BRWD1: variants seen among roughly 807,000 people sequenced by gnomAD.
BRWD1 encodes the protein bromodomain and WD repeat domain containing 1.
Under a neutral mutation model 251.2 loss-of-function variants are expected in BRWD1, and 82 were observed. The observed-to-expected ratio is 0.33, with a 90% CI of 0.27 to 0.39. The LOEUF is 0.39. BRWD1 is among the 10% of genes least tolerant of loss of function. The pLI, the probability that BRWD1 is intolerant of heterozygous loss-of-function variation, is 1.00. For synonymous variants in BRWD1, 918 were observed against 902.8 expected (o/e 1.02, Z -0.30); for missense variants, 2,233 against 2,711.6 (o/e 0.82, Z 3.92).
rs1187060119 is a variant in BRWD1 at position 39,190,139 on chromosome 21, G to A, written c.*6120C>T. 2.6e-5 allele frequency: 26 copies of A among 984,794 alleles called. No homozygotes were observed. The highest frequency in any genetic ancestry group is 3.1e-5 in the Non-Finnish European group (26 of 829,536). The allele number at this position is 984,794 out of a possible 1,614,324, so 61.0% of individuals were successfully genotyped here. The stretch of plus-strand genomic sequence containing the variant: ...TGTGTATTCTAAGATGGTATATGTG[G>A]TGAATAGAAACCTGGATACAAACAT... On this transcript the variant is annotated 3_prime_UTR_variant, in exon 41 of 41. Transcript: ENST00000342449.
At chr21:39,246,486 C>A (rs929752108) in intron 21 of BRWD1, among the ~76,000 whole-genome samples, 1 of 152,144 alleles carries the variant, frequency 6.6e-6, no homozygotes, top group Non-Finnish European at 1.5e-5. Context: ...ACTTGCCATA[C>A]GACCCAGCAT....
upstream of BRWD1, chr21:39,314,093 C>A (rs1555881043): frequency 2.2e-6 from 1 of 456,058 alleles, no homozygotes; most frequent in Middle Eastern, 3.3e-4. Flanking sequence ...ATTTCACGGA[C>A]CGGTCGTCTG....
intron 15 of BRWD1, among the ~76,000 whole-genome samples, chr21:39,269,680 T>G (rs2035039940): frequency 6.6e-6 from 1 of 152,180 alleles, no homozygotes; most frequent in South Asian, 2.1e-4. Flanking sequence ...GCTCAACAGG[T>G]AACTTAAAAA....
Position 39,199,170 on chromosome 21 carries a change from T to G in BRWD1, c.5246A>C (p.Lys1749Thr), listed in dbSNP as rs897163026. 6.2e-7 allele frequency: 1 copy of G among 1,613,938 alleles called. No homozygotes were observed. Among genetic ancestry groups the G allele is most frequent in the Non-Finnish European group, 8.5e-7 (1 of 1,180,022 alleles). Residue 1749 changes from lysine (K) to threonine (T), a missense_variant, in exon 40 of 41, where the codon AAA becomes ACA. Physicochemically the swap from Lys to Thr is moderately conservative, Grantham distance 78. Transcript: ENST00000342449. ...CTCAGAAGACTCTATTTTAAGAAAT[T>G]TTGTCTTTGAAGGTGCTGGAGTATG... ...KSHTPAPSKTKFLKIESSEED... is the reference protein window; with the variant it reads ...KSHTPAPSKTTFLKIESSEED...
chr21:39,301,580 A>G (rs1445423968), intron 4 of BRWD1, among the ~76,000 whole-genome samples: 1 of 152,156 alleles, frequency 6.6e-6, no homozygotes, highest in Non-Finnish European at 1.5e-5. Flanking sequence ...CAGTTCTGCC[A>G]ATATTTTGAC....
At chr21:39,261,784 A>G (rs980589536) in intron 17 of BRWD1, among the ~76,000 whole-genome samples, 4 of 152,146 alleles carry the variant, frequency 2.6e-5, no homozygotes, top group South Asian at 2.1e-4. Context: ...AAAAAAAAAG[A>G]AAAAGGAAAA....
intron 8 of BRWD1, 37 bp from the exon 9 acceptor site, chr21:39,280,285 C>T (rs1264596774): frequency 2.0e-6 from 3 of 1,488,548 alleles, no homozygotes; most frequent in African/African-American, 2.8e-5. Flanking sequence ...GTTTCCAGAA[C>T]TTCTACTTAA....
chr21:39,315,245 C>T (rs2036676647), upstream of BRWD1, among the ~76,000 whole-genome samples: 1 of 151,538 alleles, frequency 6.6e-6, no homozygotes, highest in Admixed American at 6.6e-5. Flanking sequence ...CTCAGGTGAT[C>T]CACCCGCCTT....
In BRWD1 at chr21:39,196,352, C is replaced by A. The variant is rs749445173; in HGVS notation, c.6717G>T (p.Thr2239=). ...KRVLRRSKIK[T]RNQGRRTVRY... is the part of the protein sequence containing the mutation. Reference sequence around the variant, plus strand: ...TCACAGTCCTTCTACCCTGATTTCTCGTTTTTATTTTTGAACGTCGAAGAA... The same window carrying A: ...TCACAGTCCTTCTACCCTGATTTCTAGTTTTTATTTTTGAACGTCGAAGAA... The change falls in exon 41 of 41, where the codon ACG becomes ACT. Residue 2239 remains threonine, a synonymous_variant. Transcript: ENST00000342449. The A allele has an allele frequency of 1.2e-6, 2 of 1,613,570 alleles. No individual in the cohort carries two copies. The highest frequency in any genetic ancestry group is 1.3e-5 in the African/African-American group (1 of 74,978).
chr21:39,244,820 G>A lies in BRWD1; in HGVS notation c.2481+2881C>T, dbSNP rs1050637949. ...AGGATACTACACCTTCCTCCCAAAG[G>A]CAAAGTCTATATATAACCCTTTATT... On this transcript the variant is annotated intron_variant, in intron 21 of 40. Transcript: ENST00000342449. Among the ~76,000 whole-genome samples, 10 of 150,694 alleles carry A rather than the reference G, an allele frequency of 6.6e-5. No homozygotes were observed. The Admixed American group carries it at 6.7e-4, about 10-fold the overall frequency.
chr21:39,301,046 G>T (rs937418359), intron 4 of BRWD1, among the ~76,000 whole-genome samples: 2 of 152,092 alleles, frequency 1.3e-5, no homozygotes, highest in Non-Finnish European at 2.9e-5. Context: ...AGGCGTGGTG[G>T]CAGGTGCCTG....
intron 4 of BRWD1, among the ~76,000 whole-genome samples, chr21:39,305,013 G>A (rs915073347): frequency 6.8e-6 from 1 of 146,292 alleles, no homozygotes; most frequent in African/African-American, 2.6e-5. Context: ...AGGCTGGAGT[G>A]CAGTGGCACA....
intron 7 of BRWD1, among the ~76,000 whole-genome samples, chr21:39,294,262 G>A (rs111927394): frequency 1.2e-4 from 19 of 152,056 alleles, no homozygotes; most frequent in African/African-American, 4.4e-4. Context: ...TCATTTCTAC[G>A]GGTCAGACTC....
At chr21:39,248,061 A>G (rs922769391) in intron 20 of BRWD1, among the ~76,000 whole-genome samples, 1 of 152,170 alleles carries the variant, frequency 6.6e-6, no homozygotes, top group Non-Finnish European at 1.5e-5. Context: ...TTTCCAAACT[A>G]TGCTGTAAGT....
At chr21:39,270,228 T>C (rs1402409149) in intron 14 of BRWD1, 55 bp downstream of exon 14, 17 of 1,453,686 alleles carry the variant, frequency 1.2e-5, no homozygotes, top group Non-Finnish European at 1.6e-5. Context: ...AGCTTCAAAA[T>C]TACAATCATA....
In BRWD1 at chr21:39,238,489, C is replaced by T. The variant is rs772767627; in HGVS notation, c.2566G>A (p.Glu856Lys). The T allele has an allele frequency of 1.8e-5, 29 of 1,611,858 alleles. No homozygotes were observed. Among genetic ancestry groups the T allele is most frequent in the East Asian group, 2.2e-5 (1 of 44,786 alleles). The change falls in exon 22 of 41, where the codon GAA (glutamate) becomes AAA (lysine). Residue 856 changes from glutamate (E) to lysine (K), a missense_variant. Physicochemically the swap from Glu to Lys is moderately conservative, Grantham distance 56. Around this residue, in one of 12 missense-constraint regions of BRWD1, gnomAD observed 214 missense variants for 222.0 expected, o/e 0.96. Transcript: ENST00000342449. The stretch of plus-strand genomic sequence containing the variant: ...AATAAAAACAGATACCTTGAACTTT[C>T]GCTGTAACTCTCACTTTTTCTGTCA... ...RSDRKSESYS[E>K]SSSDSSSRYS...
chr21:39,196,827 G>C lies in BRWD1; in HGVS notation c.6242C>G (p.Ala2081Gly). The C allele has an allele frequency of 6.2e-7, 1 of 1,613,420 alleles. No individual in the cohort carries two copies. The highest frequency in any genetic ancestry group is 8.5e-7 in the Non-Finnish European group (1 of 1,179,940). The change falls in exon 41 of 41, where the codon GCA (alanine) becomes GGA (glycine). Residue 2081 changes from alanine to glycine, a missense_variant. Physicochemically the swap from Ala to Gly is moderately conservative, Grantham distance 60. Coordinates refer to ENST00000342449, the MANE Select transcript of BRWD1 (RefSeq NM_033656.4). ...SESTLAQKAT[A>G]ENNFEVELNY... is the part of the protein sequence containing the mutation. ...CAGTTCCACTTCAAAATTATTCTCT[G>C]CAGTAGCTTTTTGTGCCAAGGTTGA...
intron 29 of BRWD1, among the ~76,000 whole-genome samples, chr21:39,224,185 G>A (rs557569624): frequency 9.9e-5 from 15 of 152,248 alleles, no homozygotes; most frequent in African/African-American, 3.1e-4. Flanking sequence ...CATGAGAAAC[G>A]ACAGCAAGCT....
intron 4 of BRWD1, among the ~76,000 whole-genome samples, chr21:39,312,103 G>GT (rs1277135268): frequency 4.6e-5 from 7 of 152,192 alleles, no homozygotes; most frequent in African/African-American, 1.2e-4. Flanking sequence ...TGCAACTGCT[G>GT]TAACTATAGA....
Sources: allele counts gnomAD v4.1 joint callset (sites outside exome capture counted in the v4.1 genomes callset), GRCh38; gene constraint gnomAD v4.1.1; regional missense constraint gnomAD v4.1.1; transcripts MANE v1.5; gene names NCBI Gene and HGNC (gene_info 2026-07-23, HGNC 2026-07-21).